Variants in PXDNL observed in about 807,000 individuals in gnomAD.
The protein encoded by PXDNL is probable oxidoreductase PXDNL.
PXDNL carries 145 observed loss-of-function variants against 150.8 expected under a neutral mutation model. That is an observed-to-expected ratio of 0.96 (90% CI 0.84 to 1.10). The LOEUF is 1.10. Among genes scored for constraint, PXDNL ranks in the 50% least tolerant of loss-of-function variants. The probability of loss-of-function intolerance (pLI) is 0.00; values close to 1 mark genes in which losing one functional copy is unlikely to be tolerated. For missense variants in PXDNL, 2,087 were observed against 1,873.9 expected, an observed-to-expected ratio of 1.11 and a Z score of -2.10; for synonymous variants, 757 against 725.7, an observed-to-expected ratio of 1.04 and a Z score of -0.69.
At chr8:51,530,051 G>A (rs969458661) in intron 4 of PXDNL, among the ~76,000 whole-genome samples, 3 of 152,168 alleles carry the variant, frequency 2.0e-5, no homozygotes, top group African/African-American at 7.2e-5. Context: ...GAGCTTTGGA[G>A]TTCTTGTGGA....
At chr8:51,725,733 G>A (rs1816807835) in intron 1 of PXDNL, among the ~76,000 whole-genome samples, 1 of 152,144 alleles carries the variant, frequency 6.6e-6, no homozygotes, top group African/African-American at 2.4e-5. Context: ...ATTTTGATTG[G>A]GGATAGAACC....
chr8:51,555,273 G>A (rs1812576437), intron 4 of PXDNL, among the ~76,000 whole-genome samples: 2 of 152,108 alleles, frequency 1.3e-5, no homozygotes, highest in African/African-American at 2.4e-5. Context: ...CCACTCCCAT[G>A]ATAAAGAGCT....
chr8:51,427,589 A>G (rs566501342), intron 12 of PXDNL, among the ~76,000 whole-genome samples: 1 of 152,344 alleles, frequency 6.6e-6, no homozygotes, highest in African/African-American at 2.4e-5. Flanking sequence ...TACTGGTTCA[A>G]TATTTGAAAA....
At position 51,535,738 on chromosome 8, in the gene PXDNL, TA is replaced by T. The variant is rs60301599; in HGVS notation, c.380+21101del. Reference sequence around the variant, plus strand: ...ATAAAAAAATAAATAAATAAATAAATAAAAATAAAGTTTGAGAAGAACTGGT... The same window carrying T: ...ATAAAAAAATAAATAAATAAATAAATAAAATAAAGTTTGAGAAGAACTGGT... On this transcript the variant is annotated intron_variant, in intron 4 of 22. Coordinates refer to ENST00000356297, the MANE Select transcript of PXDNL (RefSeq NM_144651.5). 7.0e-3 allele frequency among the ~76,000 whole-genome samples: 911 copies of T among 130,108 alleles called. 26 individuals carry two copies. The highest frequency in any genetic ancestry group is 0.012 in the African/African-American group (461 of 37,704). The allele number at this position is 130,108 out of a possible 152,430, so 85.4% of individuals were successfully genotyped here.
intron 1 of PXDNL, among the ~76,000 whole-genome samples, chr8:51,723,401 G>A (rs1391742541): frequency 6.6e-6 from 1 of 152,186 alleles, no homozygotes; most frequent in Non-Finnish European, 1.5e-5. Context: ...AGACTCAGAT[G>A]CTGGCTTCCC....
chr8:51,530,598 C>G (rs555450791), intron 4 of PXDNL, among the ~76,000 whole-genome samples: 1 of 152,278 alleles, frequency 6.6e-6, no homozygotes, highest in East Asian at 1.9e-4. Flanking sequence ...TCTCCACTCA[C>G]CCCAGTACAG....
At chr8:51,770,596 C>G (rs942054577) in intron 1 of PXDNL, among the ~76,000 whole-genome samples, 1 of 152,192 alleles carries the variant, frequency 6.6e-6, no homozygotes, top group East Asian at 1.9e-4. Context: ...CCTCCTGTCT[C>G]TTGATCAGAA....
chr8:51,567,462 A>C (rs916124050), intron 3 of PXDNL, among the ~76,000 whole-genome samples: 6 of 151,866 alleles, frequency 4.0e-5, no homozygotes, highest in Non-Finnish European at 7.4e-5. Context: ...GTGCACATAC[A>C]TTAAGGATTG....
intron 5 of PXDNL, among the ~76,000 whole-genome samples, chr8:51,489,129 C>T (rs1810835550): frequency 6.6e-6 from 1 of 152,032 alleles, no homozygotes; most frequent in Non-Finnish European, 1.5e-5. Context: ...TACAGAGATC[C>T]AGATGATCTA....
chr8:51,560,972 A>C (rs1812704929), intron 3 of PXDNL, among the ~76,000 whole-genome samples: 1 of 151,922 alleles, frequency 6.6e-6, no homozygotes, highest in South Asian at 2.1e-4. Context: ...TGGGTAAAGG[A>C]CTTTAATAGA....
intron 9 of PXDNL, among the ~76,000 whole-genome samples, chr8:51,456,888 C>T (rs1268887168): frequency 6.6e-6 from 1 of 152,228 alleles, no homozygotes; most frequent in Non-Finnish European, 1.5e-5. Flanking sequence ...ATGCTTCTCT[C>T]CCTCTCCTTA....
At chr8:51,639,622 T>C (rs1438536109) in intron 2 of PXDNL, among the ~76,000 whole-genome samples, 2 of 151,952 alleles carry the variant, frequency 1.3e-5, no homozygotes, top group African/African-American at 4.8e-5. Flanking sequence ...ATAAATTCCT[T>C]GACACATACA....
intron 1 of PXDNL, among the ~76,000 whole-genome samples, chr8:51,799,570 C>G (rs1017808707): frequency 6.6e-6 from 1 of 152,192 alleles, no homozygotes; most frequent in Admixed American, 6.5e-5. Context: ...ATAGTCCCTA[C>G]TTGGTGGCTG....
At chr8:51,793,548 A>G (rs886686588) in intron 1 of PXDNL, among the ~76,000 whole-genome samples, 2 of 152,158 alleles carry the variant, frequency 1.3e-5, no homozygotes, top group Non-Finnish European at 2.9e-5. Context: ...TTGCTGAACT[A>G]AAGGAACATG....
intron 8 of PXDNL, among the ~76,000 whole-genome samples, chr8:51,471,314 C>T (rs1311836924): frequency 2.6e-5 from 4 of 152,090 alleles, no homozygotes; most frequent in Non-Finnish European, 5.9e-5. Context: ...GAATGGTGAT[C>T]ACATTTAACT....
chr8:51,519,126 T>C (rs1441600519), intron 4 of PXDNL, among the ~76,000 whole-genome samples: 2 of 152,226 alleles, frequency 1.3e-5, no homozygotes, highest in Non-Finnish European at 2.9e-5. Context: ...GTAAAAATTG[T>C]CATTGGTAGT....
intron 1 of PXDNL, among the ~76,000 whole-genome samples, chr8:51,728,182 T>G (rs1816852769): frequency 6.6e-6 from 1 of 152,224 alleles, no homozygotes; most frequent in Non-Finnish European, 1.5e-5. Context: ...CTCACATGTT[T>G]GTGGTTATGA....
chr8:51,412,340 CAT>C (rs1808676026), intron 15 of PXDNL, among the ~76,000 whole-genome samples: 1 of 152,150 alleles, frequency 6.6e-6, no homozygotes. Context: ...CAAGCACATC[CAT>C]GAAGTAGATC....
chr8:51,721,727 CACT>C (rs1189097586), intron 1 of PXDNL: 104 of 455,574 alleles, frequency 2.3e-4, no homozygotes, highest in Middle Eastern at 8.0e-4. Context: ...TCGGGAACTT[CACT>C]ATCATCATCA....
Sources: allele counts gnomAD v4.1 joint callset (sites outside exome capture counted in the v4.1 genomes callset), GRCh38; gene constraint gnomAD v4.1.1; transcripts MANE v1.5; gene names NCBI Gene and HGNC (gene_info 2026-07-23, HGNC 2026-07-21).